PTPRM: variants seen among roughly 807,000 people sequenced by gnomAD.
The protein encoded by PTPRM is receptor-type tyrosine-protein phosphatase mu.
A neutral mutation model predicts 186.7 loss-of-function variants in PTPRM; 47 were observed. That is an observed-to-expected ratio of 0.25 (90% confidence interval 0.20 to 0.32). PTPRM has a LOEUF of 0.32. PTPRM is among the 10% of genes least tolerant of loss of function. The pLI is 1.00. For synonymous variants in PTPRM, 668 were observed against 674.9 expected (o/e 0.99, Z 0.16); for missense variants, 1,494 against 1,865.0 (o/e 0.80, Z 3.66).
chr18:7,908,563 T>A (rs1218798291), intron 4 of PTPRM, among the ~76,000 whole-genome samples: 1 of 152,232 alleles, frequency 6.6e-6, no homozygotes, highest in Admixed American at 6.5e-5. Context: ...GGTTTTGCTC[T>A]CTCTGATATC....
intron 1 of PTPRM, among the ~76,000 whole-genome samples, chr18:7,591,422 G>A (rs1258482035): frequency 6.6e-6 from 1 of 151,988 alleles, no homozygotes; most frequent in Non-Finnish European, 1.5e-5. Context: ...AGTGAGTCTG[G>A]GCCACTAATT....
At chr18:7,670,452 G>A (rs2039194842) in intron 1 of PTPRM, among the ~76,000 whole-genome samples, 1 of 152,186 alleles carries the variant, frequency 6.6e-6, no homozygotes, top group African/African-American at 2.4e-5. Flanking sequence ...AAGTCAGACT[G>A]TGGAACACAG....
chr18:8,280,330 C>T lies in PTPRM; in HGVS notation c.2755-16038C>T, dbSNP rs933684548. 6.6e-5 allele frequency among the ~76,000 whole-genome samples: 10 copies of T among 150,630 alleles called. 1 individual carries two copies. The highest frequency in any genetic ancestry group is 6.3e-4 in the South Asian group (3 of 4,788). On this transcript the variant is annotated intron_variant, in intron 19 of 32. Coordinates refer to ENST00000580170, the MANE Select transcript of PTPRM (RefSeq NM_001105244.2). ...TTTAACTTAAGTACTTCTTTGAAGG[C>T]CCCATCTCCAAATACAGTCACATTC...
At chr18:8,049,605 T>C (rs1032005197) in intron 7 of PTPRM, among the ~76,000 whole-genome samples, 2 of 152,128 alleles carry the variant, frequency 1.3e-5, no homozygotes, top group African/African-American at 4.8e-5. Context: ...GGATGAGATA[T>C]GTAACTTGAT....
intron 4 of PTPRM, among the ~76,000 whole-genome samples, chr18:7,924,285 G>T (rs1568020718): frequency 6.6e-6 from 1 of 152,148 alleles, no homozygotes; most frequent in Non-Finnish European, 1.5e-5. Context: ...AGCTTTGGGA[G>T]TATGCTTAGA....
rs1342543798 is a variant in PTPRM, at chr18:8,025,403, G to C, written c.1133-44283G>C. 3.3e-5 allele frequency among the ~76,000 whole-genome samples: 5 copies of C among 152,202 alleles called. No individual in the cohort carries two copies. In the East Asian group the frequency reaches 9.6e-4, roughly 29 times the overall value. On this transcript the variant is annotated intron_variant, in intron 7 of 32. Coordinates refer to ENST00000580170, the MANE Select transcript of PTPRM (RefSeq NM_001105244.2). ...GAGACATAAAGGTTATGACTGGGGG[G>C]ATGGAGAAGACCACTGAGGCCTCAC...
Position 8,047,335 on chromosome 18 carries a change from T to C in PTPRM, c.1133-22351T>C, listed in dbSNP as rs376551874. The stretch of plus-strand genomic sequence containing the variant: ...TTTGTGGCAAATAAACAATTAAAAA[T>C]GAAAGATATGCACATCAAACTGTGA... On this transcript the variant is annotated intron_variant, in intron 7 of 32. Transcript: ENST00000580170. 2.2e-4 allele frequency among the ~76,000 whole-genome samples: 34 copies of C among 152,276 alleles called. 1 individual carries two copies. In the South Asian group the frequency reaches 6.8e-3, roughly 31 times the overall value.
intron 23 of PTPRM, chr18:8,360,781 A>C (rs1326477262): frequency 6.6e-6 from 1 of 152,242 alleles, no homozygotes. Flanking sequence ...TTAGCTTTAG[A>C]GTGTCTACTG....
chr18:8,025,182 C>G (rs1359882466), intron 7 of PTPRM, among the ~76,000 whole-genome samples: 1 of 151,982 alleles, frequency 6.6e-6, no homozygotes, highest in East Asian at 1.9e-4. Flanking sequence ...AGAGAAATAC[C>G]ACGTTTGCAG....
At chr18:8,344,448 G>GTGTGTATATATA (rs1360655194) in intron 23 of PTPRM, among the ~76,000 whole-genome samples, 6 of 33,416 alleles carry the variant, frequency 1.8e-4, no homozygotes, top group African/African-American at 3.7e-4. Context: ...GTGTGTGTGT[G>GTGTGTATATATA]TATATATATA....
At chr18:7,951,239 G>C (rs1464974232) in intron 6 of PTPRM, among the ~76,000 whole-genome samples, 4 of 152,156 alleles carry the variant, frequency 2.6e-5, no homozygotes, top group Admixed American at 2.0e-4. Context: ...AAGGACACTA[G>C]TTTGCCTACA....
chr18:7,615,494 T>G (rs1598532388), intron 1 of PTPRM, among the ~76,000 whole-genome samples: 1 of 152,220 alleles, frequency 6.6e-6, no homozygotes, highest in East Asian at 1.9e-4. Context: ...CATTCCCCAG[T>G]ACCTCTCCAG....
chr18:7,994,353 A>G (rs1018365262), intron 7 of PTPRM, among the ~76,000 whole-genome samples: 1 of 152,088 alleles, frequency 6.6e-6, no homozygotes, highest in Non-Finnish European at 1.5e-5. Context: ...AATGGAAGAG[A>G]TAGACTCCGT....
chr18:7,997,432 A>C (rs1441553324), intron 7 of PTPRM, among the ~76,000 whole-genome samples: 1 of 152,206 alleles, frequency 6.6e-6, no homozygotes, highest in African/African-American at 2.4e-5. Flanking sequence ...AAACTGCTTA[A>C]AGAAAATGTA....
intron 22 of PTPRM, among the ~76,000 whole-genome samples, chr18:8,334,035 A>C (rs917177215): frequency 1.3e-5 from 2 of 152,174 alleles, no homozygotes; most frequent in Admixed American, 6.5e-5. Flanking sequence ...CTGCTGTAAC[A>C]AAGGCACTTC....
At chr18:7,940,791 G>A (rs934129373) in intron 5 of PTPRM, among the ~76,000 whole-genome samples, 4 of 151,862 alleles carry the variant, frequency 2.6e-5, no homozygotes, top group African/African-American at 9.7e-5. Context: ...AATTCATTTG[G>A]TGACCAAACC....
intron 1 of PTPRM, among the ~76,000 whole-genome samples, chr18:7,721,524 C>T (rs974594239): frequency 2.0e-5 from 3 of 152,010 alleles, no homozygotes; most frequent in African/African-American, 7.2e-5. Context: ...ATTTTAGTGT[C>T]ATAGCCAAGA....
chr18:8,019,336 A>G (rs931916378), intron 7 of PTPRM, among the ~76,000 whole-genome samples: 1 of 152,248 alleles, frequency 6.6e-6, no homozygotes, highest in East Asian at 1.9e-4. Flanking sequence ...AGGTAAATTA[A>G]TTCATTCACA....
intron 14 of PTPRM, among the ~76,000 whole-genome samples, chr18:8,174,940 A>C (rs1276778168): frequency 6.6e-6 from 1 of 152,246 alleles, no homozygotes; most frequent in African/African-American, 2.4e-5. Flanking sequence ...GTGCACTCTT[A>C]TCTGAATTAG....
Sources: allele counts gnomAD v4.1 joint callset (sites outside exome capture counted in the v4.1 genomes callset), GRCh38; gene constraint gnomAD v4.1.1; transcripts MANE v1.5; gene names NCBI Gene and HGNC (gene_info 2026-07-23, HGNC 2026-07-21).